Variants in RNF111 observed in about 807,000 individuals in gnomAD.
RNF111 encodes the protein ring finger protein 111.
In RNF111, 17 loss-of-function variants were observed where a neutral mutation model predicts 95.1. The ratio of observed to expected loss-of-function variants is 0.18; its 90% CI spans 0.12 to 0.27. RNF111 has a LOEUF of 0.27. RNF111 is among the 10% of genes least tolerant of loss of function. The pLI is 1.00. For synonymous variants in RNF111, 440 were observed against 414.8 expected, an observed-to-expected ratio of 1.06 and a Z score of -0.74; for missense variants, 1,189 against 1,210.4, an observed-to-expected ratio of 0.98 and a Z score of 0.26.
chr15:59,094,974 T>C lies in RNF111; in HGVS notation c.*74T>C, dbSNP rs1345866998. 2.3e-6 allele frequency: 2 copies of C among 877,548 alleles called. No individual in the cohort carries two copies. The highest frequency in any genetic ancestry group is 3.3e-5 in the African/African-American group (2 of 60,336). The allele number at this position is 877,548 out of a possible 1,614,324, so 54.4% of individuals were successfully genotyped here. A position where few individuals can be genotyped will look rare whatever the true frequency, so the allele number is the denominator to read the frequency against. Reference sequence around the variant, plus strand: ...GTACTGCAGTCAACCAAAGATGGCATGACTTACCTGCGCAGATTTGGAAGC... The same window carrying C: ...GTACTGCAGTCAACCAAAGATGGCACGACTTACCTGCGCAGATTTGGAAGC... On this transcript the variant is annotated 3_prime_UTR_variant, in exon 14 of 14. Transcript: ENST00000348370.
chr15:59,044,236 G>T lies in RNF111; in HGVS notation c.881-8069G>T, dbSNP rs541062039. Reference sequence around the variant, plus strand: ...AATAGAGACGGGGTTTTGCCATGTTGGCCAGATTGGTCTCAAACTCCTGAC... The same window carrying T: ...AATAGAGACGGGGTTTTGCCATGTTTGCCAGATTGGTCTCAAACTCCTGAC... On this transcript the variant is annotated intron_variant, in intron 2 of 13. Coordinates refer to ENST00000348370, the MANE Select transcript of RNF111 (RefSeq NM_017610.8). 3.3e-5 allele frequency among the ~76,000 whole-genome samples: 5 copies of T among 152,234 alleles called. No individual in the cohort carries two copies. The South Asian group carries it at 1.0e-3, about 32-fold the overall frequency.
In RNF111 at chr15:59,080,940, C is replaced by G. The variant is rs745379757; in HGVS notation, c.1953C>G (p.Ala651=). Residue 651 remains alanine (A), a synonymous_variant, in exon 8 of 14, where the codon GCC becomes GCG. Coordinates refer to ENST00000348370, the MANE Select transcript of RNF111 (RefSeq NM_017610.8). The part of the protein sequence containing the change: ...SCRHYMPPPY[A]SLTRPLHHQA... ...CTCAAAATATTTTTCTTGCAGATGC[C>G]TCTTTGACAAGGCCACTTCATCATC... 49 of 1,607,780 alleles carry G rather than the reference C, an allele frequency of 3.0e-5. No homozygotes were observed. Among genetic ancestry groups the G allele is most frequent in the Middle Eastern group, 3.3e-4 (2 of 6,034 alleles).
At chr15:59,046,392 C>T (rs1269097138) in intron 2 of RNF111, among the ~76,000 whole-genome samples, 2 of 152,054 alleles carry the variant, frequency 1.3e-5, no homozygotes, top group African/African-American at 4.8e-5. Context: ...GAGGTTTCAC[C>T]ATGTTACCCA....
intron 1 of RNF111, among the ~76,000 whole-genome samples, chr15:59,005,778 G>T (rs753216168): frequency 6.6e-6 from 1 of 152,188 alleles, no homozygotes; most frequent in Non-Finnish European, 1.5e-5. Flanking sequence ...CTAAAAACTA[G>T]CTGACTCGTC....
intron 1 of RNF111, among the ~76,000 whole-genome samples, chr15:58,999,762 G>A (rs1211579493): frequency 6.6e-6 from 1 of 152,178 alleles, no homozygotes; most frequent in Non-Finnish European, 1.5e-5. Flanking sequence ...ATAAAGAAAA[G>A]GGGTTTAATT....
chr15:59,023,016 G>GCGGGAGGATCACCTGAGGT (rs1248950115), intron 1 of RNF111, among the ~76,000 whole-genome samples: 9 of 152,212 alleles, frequency 5.9e-5, no homozygotes, highest in Non-Finnish European at 1.0e-4. Flanking sequence ...GGAGGCCGAG[G>GCGGGAGGATCACCTGAGGT]CGGGAGGATC....
At chr15:58,995,764 C>CTTTT (rs34209382) in intron 1 of RNF111, among the ~76,000 whole-genome samples, 87 of 99,518 alleles carry the variant, frequency 8.7e-4, no homozygotes, top group South Asian at 3.0e-3. Context: ...GTGCCCCGGC[C>CTTTT]TTTTTTTTTT....
At chr15:59,064,330 T>G (rs1192818795) in intron 5 of RNF111, among the ~76,000 whole-genome samples, 1 of 151,934 alleles carries the variant, frequency 6.6e-6, no homozygotes, top group Non-Finnish European at 1.5e-5. Flanking sequence ...GGTCAGGAGA[T>G]CGAGACCATC....
intron 9 of RNF111, among the ~76,000 whole-genome samples, chr15:59,085,188 C>A (rs1406722019): frequency 6.6e-6 from 1 of 152,172 alleles, no homozygotes; most frequent in Non-Finnish European, 1.5e-5. Context: ...CAGTTTTACC[C>A]CTTCTAAAAT....
chr15:59,086,129 C>CT (rs1167795158), intron 10 of RNF111, among the ~76,000 whole-genome samples: 18 of 150,690 alleles, frequency 1.2e-4, no homozygotes, highest in South Asian at 2.1e-4. Context: ...TTTCTTTTTT[C>CT]TTTTTTTTTC....
Position 59,084,463 on chromosome 15 carries a change from C to T in RNF111, c.2423+209C>T, listed in dbSNP as rs550198093. 2.1e-5 allele frequency: 8 copies of T among 390,042 alleles called. No individual in the cohort carries two copies. In the South Asian group the frequency reaches 8.3e-4, roughly 41 times the overall value. 24.2% of individuals were successfully genotyped at this position (390,042 alleles called of 1,614,324 possible). On this transcript the variant is annotated intron_variant, in intron 9 of 13. Transcript: ENST00000348370. Reference sequence around the variant, plus strand: ...GGAACCATATCAAGCAGGAGTAGTACTTTTTTTAGGTGTTATTTTATGTTT... The same window carrying T: ...GGAACCATATCAAGCAGGAGTAGTATTTTTTTTAGGTGTTATTTTATGTTT...
At chr15:59,090,763 A>G (rs538055324) in intron 11 of RNF111, among the ~76,000 whole-genome samples, 16 of 152,314 alleles carry the variant, frequency 1.1e-4, no homozygotes, top group African/African-American at 3.4e-4. Context: ...CTTACTGTCT[A>G]TGAGAAACAT....
Position 59,081,169 on chromosome 15 carries a change from C to T in RNF111, c.2182C>T (p.His728Tyr). The change falls in exon 8 of 14, where the codon CAC becomes TAC. Residue 728 changes from histidine (H) to tyrosine (Y), a missense_variant. This residue lies in a region of RNF111 where 1,024 missense variants were observed against 925.9 expected (regional missense o/e 1.11). Transcript: ENST00000348370. ...AATCCCTCAGCATCTTCCTCCTACA[C>T]ACCAGCCAATTTCGCACCATATTCC... ...APIPQHLPPT[H>Y]QPISHHIPAT... is the part of the protein sequence containing the mutation. 1.2e-6 allele frequency: 2 copies of T among 1,614,192 alleles called. No individual in the cohort carries two copies. Among genetic ancestry groups the T allele is most frequent in the Non-Finnish European group, 8.5e-7 (1 of 1,180,022 alleles).
intron 10 of RNF111, among the ~76,000 whole-genome samples, chr15:59,089,435 A>T (rs17236439): frequency 6.6e-6 from 1 of 152,172 alleles, no homozygotes; most frequent in South Asian, 2.1e-4. Flanking sequence ...TTCAAGTTTG[A>T]GCTACTAAGA....
chr15:59,017,375 A>G (rs1056379467), intron 1 of RNF111, among the ~76,000 whole-genome samples: 57 of 152,364 alleles, frequency 3.7e-4, no homozygotes, highest in African/African-American at 1.3e-3. Context: ...ATAGTTCAGT[A>G]TGTAAAATGT....
rs1283387767 is a variant in RNF111 at position 59,000,897 on chromosome 15, A to G, written c.-20+12829A>G. Among the ~76,000 whole-genome samples the G allele has an allele frequency of 2.0e-5, 3 of 152,072 alleles. No individual in the cohort carries two copies. The East Asian group carries it at 5.8e-4, about 29-fold the overall frequency. On this transcript the variant is annotated intron_variant, in intron 1 of 13. Transcript: ENST00000348370. The stretch of plus-strand genomic sequence containing the variant: ...CTAAGCTTTTGGGCACATAGTAGTG[A>G]TCAAAACGAAATCTGCTCTGGTGGG...
At chr15:59,092,982 A>G (rs1280281176) in intron 13 of RNF111, among the ~76,000 whole-genome samples, 4 of 152,208 alleles carry the variant, frequency 2.6e-5, no homozygotes, top group African/African-American at 9.7e-5. Flanking sequence ...AGCCTGGGCA[A>G]TAGAGTGAGA....
At position 59,041,829 on chromosome 15, in the gene RNF111, T is replaced by C. The variant is rs1225568997; in HGVS notation, c.880+10127T>C. Reference sequence around the variant, plus strand: ...GGGGGTTTTTGGTCCGTCTGATAGCTGAGAAATAGTATGTCAGTACATTTT... The same window carrying C: ...GGGGGTTTTTGGTCCGTCTGATAGCCGAGAAATAGTATGTCAGTACATTTT... On this transcript the variant is annotated intron_variant, in intron 2 of 13. Coordinates refer to ENST00000348370, the MANE Select transcript of RNF111 (RefSeq NM_017610.8). 3.3e-5 allele frequency among the ~76,000 whole-genome samples: 5 copies of C among 152,174 alleles called. No homozygotes were observed. In the South Asian group the frequency reaches 8.3e-4, roughly 25 times the overall value.
chr15:59,090,114 T>G (rs2079007804), intron 11 of RNF111, among the ~76,000 whole-genome samples: 1 of 152,228 alleles, frequency 6.6e-6, no homozygotes, highest in Non-Finnish European at 1.5e-5. Context: ...AAAAAGAAAC[T>G]TAAGTAATTC....
Sources: gnomAD v4.1 joint callset for allele counts (sites outside exome capture counted in the v4.1 genomes callset) on GRCh38, gnomAD v4.1.1 for gene constraint, gnomAD v4.1.1 regional missense constraint, MANE v1.5 for transcripts, NCBI Gene and HGNC (gene_info 2026-07-23, HGNC 2026-07-21) for gene names.